The following GGT1 variants were observed in gnomAD, a reference collection of about 807,000 sequenced individuals.
The protein encoded by GGT1 is gamma-glutamyltransferase 1.
In GGT1, 21 loss-of-function variants were observed where a neutral mutation model predicts 56.0. That is an observed-to-expected ratio of 0.38 (90% CI 0.27 to 0.54). The LOEUF (loss-of-function observed/expected upper bound fraction) is 0.54. Ranked by LOEUF, GGT1 falls within the 20% of genes least tolerant of loss-of-function variation. The probability of loss-of-function intolerance (pLI) is 0.82; values close to 1 mark genes in which losing one functional copy is unlikely to be tolerated. For missense variants in GGT1, 466 were observed against 787.0 expected, an observed-to-expected ratio of 0.59 and a Z score of 4.88; for synonymous variants, 238 against 342.6, an observed-to-expected ratio of 0.69 and a Z score of 3.37.
At chr22:24,599,718 CATT>C (rs1257243803), upstream of GGT1, among the ~76,000 whole-genome samples, 1 of 152,216 alleles carries the variant, frequency 6.6e-6, no homozygotes, top group Non-Finnish European at 1.5e-5. Context: ...GCATCTGAAA[CATT>C]AGCCAGCAGG....
chr22:24,614,138 T>C (rs71318988), intron 5 of GGT1, among the ~76,000 whole-genome samples: 1 of 151,896 alleles, frequency 6.6e-6, no homozygotes, highest in Non-Finnish European at 1.5e-5. Context: ...GCACAGGAGT[T>C]CTTGACCAGC....
intron 7 of GGT1, among the ~76,000 whole-genome samples, chr22:24,617,855 A>G (rs1001748681): frequency 2.0e-5 from 3 of 151,774 alleles, no homozygotes; most frequent in Non-Finnish European, 4.4e-5. Context: ...ACCAGGAGAG[A>G]GAGCAAAGAC....
chr22:24,600,190 G>T (rs953676470), upstream of GGT1, among the ~76,000 whole-genome samples: 2 of 152,228 alleles, frequency 1.3e-5, no homozygotes, highest in African/African-American at 4.8e-5. Context: ...GCTCCTACAG[G>T]CCTGGTGTTG....
At chr22:24,602,385 G>A (rs1377649965), upstream of GGT1, among the ~76,000 whole-genome samples, 1 of 152,218 alleles carries the variant, frequency 6.6e-6, no homozygotes, top group Non-Finnish European at 1.5e-5. Flanking sequence ...GGATTTGATG[G>A]GAGAATGAAT....
In GGT1 at chr22:24,605,083, G is replaced by A. The variant is rs1182104444; in HGVS notation, c.-429+1556G>A. On this transcript the variant is annotated intron_variant, in intron 1 of 15. Transcript: ENST00000400382. ...TTATATGTAATATATAATATATAAA[G>A]TATATTATATAATATGTATTATATT... 2.5e-4 allele frequency among the ~76,000 whole-genome samples: 4 copies of A among 16,050 alleles called. 1 individual carries two copies. Among genetic ancestry groups the A allele is most frequent in the Admixed American group, 1.1e-3 (1 of 918 alleles). 10.5% of individuals were successfully genotyped at this position (16,050 alleles called of 152,430 possible). A position where few individuals can be genotyped will look rare whatever the true frequency, so the allele number is the denominator to read the frequency against.
At chr22:24,617,694 G>A (rs547015550) in intron 7 of GGT1, among the ~76,000 whole-genome samples, 7 of 152,094 alleles carry the variant, frequency 4.6e-5, no homozygotes, top group African/African-American at 1.4e-4. Context: ...TCAGGAGCTC[G>A]GTTTTGGGCA....
upstream of GGT1, chr22:24,593,013 G>A: frequency 9.2e-7 from 1 of 1,091,986 alleles, no homozygotes; most frequent in Non-Finnish European, 1.1e-6. Context: ...CCTCGGGCCC[G>A]GCCCGCCGGC....
upstream of GGT1, among the ~76,000 whole-genome samples, chr22:24,590,894 C>T (rs1054134228): frequency 1.3e-5 from 2 of 152,172 alleles, no homozygotes; most frequent in African/African-American, 4.8e-5. Context: ...CTCTCTCCCC[C>T]AGCTCACCTA....
rs777251596 is a variant in GGT1 at position 24,627,965 on chromosome 22, A to G, written c.1322A>G (p.Asn441Ser). Reference protein sequence around the residue: ...NEFGVPPSPANFIQPGKQPLS... With the variant: ...NEFGVPPSPASFIQPGKQPLS... ...TTTGGGGTACCCCCCTCACCTGCCAATTTCATCCAGCCAGGTATGGGGTGG... is the reference window on the plus strand; with the variant it reads ...TTTGGGGTACCCCCCTCACCTGCCAGTTTCATCCAGCCAGGTATGGGGTGG... Residue 441 changes from asparagine (N) to serine (S), a missense_variant, in exon 13 of 16, where the codon AAT becomes AGT. Physicochemically the swap from Asn to Ser is conservative, Grantham distance 46. This residue lies in a region of GGT1 where 456 missense variants were observed against 716.7 expected (regional missense o/e 0.64). Transcript: ENST00000400382. 6.6e-6 allele frequency: 10 copies of G among 1,505,548 alleles called. No individual in the cohort carries two copies. The highest frequency in any genetic ancestry group is 3.1e-5 in the African/African-American group (2 of 65,162). The allele number at this position is 1,505,548 out of a possible 1,614,324, so 93.3% of individuals were successfully genotyped here.
intron 10 of GGT1, 86 bp downstream of exon 10, chr22:24,623,342 G>T (rs540978054): frequency 9.5e-6 from 13 of 1,370,704 alleles, no homozygotes; most frequent in Non-Finnish European, 1.3e-5. Flanking sequence ...ATCTCTGCTC[G>T]CCCCCCATGC....
At chr22:24,593,157 A>G, upstream of GGT1, 1 of 967,804 alleles carries the variant, frequency 1.0e-6, no homozygotes, top group Non-Finnish European at 1.2e-6. Context: ...TCCGGGTCCG[A>G]AGGCTGAGCG....
At chr22:24,619,681 A>G (rs3865659) in intron 7 of GGT1, among the ~76,000 whole-genome samples, 1 of 151,844 alleles carries the variant, frequency 6.6e-6, no homozygotes, top group South Asian at 2.1e-4. Context: ...CGTAGAAAAG[A>G]GGCAGGGAGC....
chr22:24,590,054 C>G, upstream of GGT1: 5 of 1,323,872 alleles, frequency 3.8e-6, no homozygotes, highest in Non-Finnish European at 5.0e-6. Flanking sequence ...GTCTCTCCAT[C>G]TCCTCCCTAA....
At chr22:24,605,051 T>TATATATATATATATAAAATGTAA (rs1220658205) in intron 1 of GGT1, among the ~76,000 whole-genome samples, 1 of 60,256 alleles carries the variant, frequency 1.7e-5, no homozygotes, top group Non-Finnish European at 2.9e-5. Context: ...ATGTAATATA[T>TATATATATATATATAAAATGTAA]TATATATTAT....
At chr22:24,605,154 T>A (rs190683719) in intron 1 of GGT1, among the ~76,000 whole-genome samples, 48 of 3,000 alleles carry the variant, frequency 0.016, 5 homozygotes, top group African/African-American at 0.061. Flanking sequence ...ATAATATGTA[T>A]TATATTATAT....
At chr22:24,601,022 A>C (rs2006093), upstream of GGT1, among the ~76,000 whole-genome samples, 151,866 of 152,252 alleles carry the variant, frequency 1, 75,742 homozygotes, top group Middle Eastern at 1. Context: ...CTAATATTGA[A>C]TCCAATGCTA....
At chr22:24,590,012 C>T, upstream of GGT1, 1 of 1,478,614 alleles carries the variant, frequency 6.8e-7, no homozygotes, top group Non-Finnish European at 9.0e-7. Flanking sequence ...GGCACCACCC[C>T]AGCCAGCCAG....
Position 24,628,717 on chromosome 22 carries a change from C to A in GGT1, c.1588C>A (p.Arg530=). The A allele has an allele frequency of 2.5e-6, 4 of 1,610,090 alleles. No individual in the cohort carries two copies. Among genetic ancestry groups the A allele is most frequent in the Non-Finnish European group, 3.4e-6 (4 of 1,179,132 alleles). Residue 530 remains arginine, a synonymous_variant, in exon 16 of 16, where the codon CGG becomes AGG. Transcript: ENST00000400382. This position sits in a 1 kb window ranked among gnomAD's most constrained non-coding sequence, Gnocchi z 5.7. ...DQAVTAALET[R]HHHTQIASTF... Reference sequence around the variant, plus strand: ...GGCAGTGACTGCAGCCCTGGAGACCCGGCACCATCACACCCAGATCGCGTC... The same window carrying A: ...GGCAGTGACTGCAGCCCTGGAGACCAGGCACCATCACACCCAGATCGCGTC...
the GGT1 span, among the ~76,000 whole-genome samples, chr22:24,588,025 C>T: frequency 4.6e-5 from 7 of 152,150 alleles, no homozygotes; most frequent in Non-Finnish European, 7.4e-5. Context: ...TCAGAGGGTG[C>T]AGCTTGGCTT....
Sources: allele counts gnomAD v4.1 joint callset (sites outside exome capture counted in the v4.1 genomes callset), GRCh38; gene constraint gnomAD v4.1.1; regional missense constraint gnomAD v4.1.1; non-coding constraint Gnocchi (gnomAD v3.1); transcripts MANE v1.5; gene names NCBI Gene and HGNC (gene_info 2026-07-23, HGNC 2026-07-21).